The following COL28A1 variants were observed in gnomAD, a reference collection of about 807,000 sequenced individuals.
COL28A1 encodes the protein collagen alpha-1(XXVIII) chain.
In COL28A1, 161 loss-of-function variants were observed where a neutral mutation model predicts 150.2. The observed-to-expected ratio is 1.07, with a 90% CI of 0.94 to 1.22. The LOEUF (loss-of-function observed/expected upper bound fraction) is 1.22. Ranked by LOEUF, COL28A1 falls within the 50% of genes most tolerant of loss-of-function variation. The pLI, the probability that COL28A1 is intolerant of heterozygous loss-of-function variation, is 0.00. For synonymous variants in COL28A1, 552 were observed against 469.7 expected (o/e 1.18, Z -2.26); for missense variants, 1,617 against 1,388.3 (o/e 1.16, Z -2.62).
intron 32 of COL28A1, among the ~76,000 whole-genome samples, chr7:7,372,021 C>T (rs532007660): frequency 4.2e-4 from 64 of 151,862 alleles, no homozygotes; most frequent in Admixed American, 7.9e-4. Context: ...TTAGTAGAGA[C>T]GAGGTTTCAC....
rs1307788456 is a variant in COL28A1, at chr7:7,384,762, C to G, written c.2137-3150G>C. Among the ~76,000 whole-genome samples, 4 of 152,072 alleles carry G rather than the reference C, an allele frequency of 2.6e-5. No homozygotes were observed. The East Asian group carries it at 7.7e-4, about 29-fold the overall frequency. On this transcript the variant is annotated intron_variant, in intron 27 of 34. Transcript: ENST00000399429. ...TGATATCATTGGGAGCCCCAGAACC[C>G]TGGATAGGAATTTGTACCAGTTAAA...
chr7:7,477,628 G>T (rs946910979), intron 13 of COL28A1, among the ~76,000 whole-genome samples: 1 of 152,176 alleles, frequency 6.6e-6, no homozygotes, highest in African/African-American at 2.4e-5. Context: ...CTTTCTGGTG[G>T]GTTAGTGGTC....
intron 33 of COL28A1, among the ~76,000 whole-genome samples, chr7:7,367,011 A>C (rs1301507765): frequency 1.3e-5 from 2 of 152,228 alleles, no homozygotes; most frequent in African/African-American, 4.8e-5. Context: ...AGTGCTGCAT[A>C]ATGACATTTT....
intron 15 of COL28A1, among the ~76,000 whole-genome samples, chr7:7,466,130 G>T (rs1451513503): frequency 7.4e-6 from 1 of 135,876 alleles, no homozygotes; most frequent in Non-Finnish European, 1.6e-5. Context: ...GCTGAGAGAA[G>T]AAGGCTTCAG....
intron 11 of COL28A1, among the ~76,000 whole-genome samples, chr7:7,493,075 A>T (rs1466432510): frequency 6.8e-6 from 1 of 147,082 alleles, no homozygotes; most frequent in Non-Finnish European, 1.5e-5. Flanking sequence ...TATATATACC[A>T]TTAAAAATAC....
intron 27 of COL28A1, among the ~76,000 whole-genome samples, chr7:7,385,573 C>T (rs1043194201): frequency 6.6e-6 from 1 of 150,658 alleles, no homozygotes; most frequent in South Asian, 2.1e-4. Context: ...CAGAAGATGT[C>T]CAATACATGT....
At chr7:7,399,979 A>AG in intron 27 of COL28A1, among the ~76,000 whole-genome samples, 1 of 152,250 alleles carries the variant, frequency 6.6e-6, no homozygotes, top group Non-Finnish European at 1.5e-5. Context: ...GGGGCCTCCA[A>AG]GCAAAGCATT....
intron 27 of COL28A1, among the ~76,000 whole-genome samples, chr7:7,383,556 G>C (rs1782001652): frequency 6.6e-6 from 1 of 151,526 alleles, no homozygotes; most frequent in African/African-American, 2.4e-5. Context: ...TGGGATTACA[G>C]GCATGAGCCA....
chr7:7,417,811 C>G, intron 27 of COL28A1, 48 bp downstream of exon 27: 1 of 1,493,446 alleles, frequency 6.7e-7, no homozygotes, highest in Non-Finnish European at 9.3e-7. Flanking sequence ...TTCTCCCAAT[C>G]ACTCTGGTGA....
chr7:7,489,140 G>C (rs966985341), intron 13 of COL28A1, among the ~76,000 whole-genome samples: 16 of 152,076 alleles, frequency 1.1e-4, no homozygotes, highest in African/African-American at 2.9e-4. Flanking sequence ...GCCTGGTGAC[G>C]TGCACTTGTA....
At chr7:7,424,267 T>C (rs1784534291) in intron 25 of COL28A1, among the ~76,000 whole-genome samples, 1 of 152,138 alleles carries the variant, frequency 6.6e-6, no homozygotes, top group African/African-American at 2.4e-5. Flanking sequence ...TCCACAGAAG[T>C]AGTGTCTCTC....
intron 27 of COL28A1, among the ~76,000 whole-genome samples, chr7:7,387,139 G>A (rs1341534614): frequency 6.6e-6 from 1 of 152,054 alleles, no homozygotes; most frequent in African/African-American, 2.4e-5. Flanking sequence ...GGGACCATAT[G>A]AATTTTCAGA....
the COL28A1 span, among the ~76,000 whole-genome samples, chr7:7,348,335 T>C: frequency 2.6e-5 from 4 of 151,952 alleles, no homozygotes; most frequent in Non-Finnish European, 4.4e-5. Context: ...CCCTTAAGAT[T>C]AGGAGATGCT....
At chr7:7,340,766 T>C in the COL28A1 span, among the ~76,000 whole-genome samples, 1 of 152,110 alleles carries the variant, frequency 6.6e-6, no homozygotes, top group Non-Finnish European at 1.5e-5. Flanking sequence ...CGACATATCC[T>C]TTCTCTGAGG....
chr7:7,359,730 T>C (rs1166191765), intron 34 of COL28A1, among the ~76,000 whole-genome samples: 1 of 152,214 alleles, frequency 6.6e-6, no homozygotes, highest in Non-Finnish European at 1.5e-5. Flanking sequence ...TCGGTTCATT[T>C]ATTTTCTCAA....
At chr7:7,384,648 T>C (rs1405194231) in intron 27 of COL28A1, among the ~76,000 whole-genome samples, 10 of 152,162 alleles carry the variant, frequency 6.6e-5, no homozygotes, top group Admixed American at 2.0e-4. Context: ...TTTGGTAGTA[T>C]CCAAGGTTTC....
At chr7:7,525,443 T>A (rs1475184093) in intron 3 of COL28A1, among the ~76,000 whole-genome samples, 2 of 152,230 alleles carry the variant, frequency 1.3e-5, no homozygotes, top group Non-Finnish European at 2.9e-5. Flanking sequence ...AAGAAACTAA[T>A]CTATGTTTAT....
chr7:7,530,899 T>C (rs1195910043), intron 3 of COL28A1, among the ~76,000 whole-genome samples: 1 of 152,154 alleles, frequency 6.6e-6, no homozygotes, highest in African/African-American at 2.4e-5. Flanking sequence ...TACTCAGTCC[T>C]TTAGAAGAGT....
At chr7:7,513,121 G>T (rs959503551) in intron 8 of COL28A1, among the ~76,000 whole-genome samples, 1 of 152,214 alleles carries the variant, frequency 6.6e-6, no homozygotes, top group African/African-American at 2.4e-5. Flanking sequence ...AGTTTCAACA[G>T]CAGTGCTCTA....
Sources: allele counts gnomAD v4.1 joint callset (sites outside exome capture counted in the v4.1 genomes callset), GRCh38; gene constraint gnomAD v4.1.1; transcripts MANE v1.5; gene names NCBI Gene and HGNC (gene_info 2026-07-23, HGNC 2026-07-21).